The following TNRC6C variants were observed in gnomAD, a reference collection of about 807,000 sequenced individuals.
TNRC6C encodes the protein trinucleotide repeat containing adaptor 6C.
TNRC6C carries 20 observed loss-of-function variants against 153.7 expected under a neutral mutation model. That is an observed-to-expected ratio of 0.13 (90% CI 0.09 to 0.19). TNRC6C has a LOEUF of 0.19. Among genes scored for constraint, TNRC6C ranks in the 10% least tolerant of loss-of-function variants. TNRC6C has a pLI of 1.00. For synonymous variants in TNRC6C, 811 were observed against 841.4 expected, an observed-to-expected ratio of 0.96 and a Z score of 0.63; for missense variants, 1,987 against 2,172.0, an observed-to-expected ratio of 0.91 and a Z score of 1.69.
chr17:78,083,146 C>A, exon 11 of TNRC6C: 4 of 1,613,910 alleles, frequency 2.5e-6, no homozygotes, highest in Non-Finnish European at 3.4e-6. Context: ...GATGTTGAAC[C>A]AGCTCTATCA....
chr17:78,049,061 G>A lies in TNRC6C; in HGVS notation c.-2G>A, dbSNP rs767412830. 1 of 1,523,284 alleles carries A rather than the reference G, an allele frequency of 6.6e-7. No homozygotes were observed. The highest frequency in any genetic ancestry group is 8.8e-7 in the Non-Finnish European group (1 of 1,134,746). The allele number at this position is 1,523,284 out of a possible 1,614,324, so 94.4% of individuals were successfully genotyped here. A position where few individuals can be genotyped will look rare whatever the true frequency, so the allele number is the denominator to read the frequency against. On this transcript the variant is annotated 5_prime_UTR_variant, in exon 3 of 20. Transcript: ENST00000301624. This position sits in a 1 kb window ranked among gnomAD's most constrained non-coding sequence, Gnocchi z 4.1. ...TCCAACTGTGGCTCAGAGAACAGTA[G>A]CATGGCTACAGGGAGTGCCCAGGGC...
intron 2 of TNRC6C, among the ~76,000 whole-genome samples, chr17:78,039,309 G>GCCCCCCCCCCCCCCCCCCCCCCC (rs11306576): frequency 8.8e-6 from 1 of 113,464 alleles, no homozygotes; most frequent in African/African-American, 3.6e-5. Flanking sequence ...TTCAAATCTT[G>GCCCCCCCCCCCCCCCCCCCCCCC]CCCCCCCCCC....
chr17:78,102,600 GC>G, intron 18 of TNRC6C, 56 bp downstream of exon 21: 1 of 1,531,100 alleles, frequency 6.5e-7, no homozygotes, highest in Non-Finnish European at 8.9e-7. Context: ...TTCCCGCTTG[GC>G]CCCCAATGCA....
At chr17:77,983,910 C>T (rs758133958) in intron 1 of TNRC6C, among the ~76,000 whole-genome samples, 7 of 152,112 alleles carry the variant, frequency 4.6e-5, no homozygotes, top group Non-Finnish European at 7.4e-5. Flanking sequence ...CGGACTGCAG[C>T]TCCTCATTTT....
At position 78,049,041 on chromosome 17, in the gene TNRC6C, C is replaced by T. The variant is rs759376344; in HGVS notation, c.-22C>T. 2 of 1,495,080 alleles carry T rather than the reference C, an allele frequency of 1.3e-6. No homozygotes were observed. The highest frequency in any genetic ancestry group is 2.8e-5 in the African/African-American group (2 of 71,464). The allele number at this position is 1,495,080 out of a possible 1,614,324, so 92.6% of individuals were successfully genotyped here. A position where few individuals can be genotyped will look rare whatever the true frequency, so the allele number is the denominator to read the frequency against. On this transcript the variant is annotated 5_prime_UTR_variant, in exon 3 of 20. Coordinates refer to ENST00000301624, the Ensembl canonical transcript of TNRC6C. The surrounding 1 kb of genome is among the most constrained non-coding windows in gnomAD (Gnocchi z 4.1). ...CTACAGACACTGACTCTGCCTCCAA[C>T]TGTGGCTCAGAGAACAGTAGCATGG...
At chr17:78,070,598 A>G (rs1476618480) in intron 5 of TNRC6C, among the ~76,000 whole-genome samples, 1 of 151,992 alleles carries the variant, frequency 6.6e-6, no homozygotes, top group African/African-American at 2.4e-5. Flanking sequence ...TATGAGCTAT[A>G]AGTAACAAAT....
At chr17:77,968,552 G>C (rs1189721227) in intron 1 of TNRC6C, among the ~76,000 whole-genome samples, 1 of 150,848 alleles carries the variant, frequency 6.6e-6, no homozygotes. Flanking sequence ...ATGTTGGCCA[G>C]GATGGTCTCT....
chr17:78,059,384 A>C (rs1312170277), intron 3 of TNRC6C, among the ~76,000 whole-genome samples: 1 of 152,170 alleles, frequency 6.6e-6, no homozygotes, highest in Non-Finnish European at 1.5e-5. Flanking sequence ...GGGGTTTGGT[A>C]AGTGGGGCTG....
intron 1 of TNRC6C, among the ~76,000 whole-genome samples, chr17:78,006,561 C>CTT (rs1368496759): frequency 5.7e-4 from 64 of 112,102 alleles, no homozygotes; most frequent in South Asian, 1.2e-3. Context: ...TCTTCTTCTT[C>CTT]CTTCTTCCTT....
At chr17:78,091,469 A>G (rs770051680) in exon 14 of TNRC6C, 28 of 1,601,382 alleles carry the variant, frequency 1.7e-5, no homozygotes, top group Non-Finnish European at 2.1e-5. Flanking sequence ...GAATGTCAAC[A>G]GCATGGACAT....
exon 20 of TNRC6C, chr17:78,107,368 T>G (rs937654780): frequency 6.6e-6 from 1 of 152,214 alleles, no homozygotes; most frequent in Admixed American, 6.5e-5. Context: ...CCTCATAGAA[T>G]GTGACTGTTG....
intron 4 of TNRC6C, among the ~76,000 whole-genome samples, chr17:78,065,439 C>T (rs2072856025): frequency 6.6e-6 from 1 of 151,870 alleles, no homozygotes. Context: ...ATGTCCATAC[C>T]CTCCTTTTAT....
At chr17:78,102,383 G>C (rs2073612625) in intron 17 of TNRC6C, 91 bp from the exon 21 acceptor site, 3 of 1,226,648 alleles carry the variant, frequency 2.4e-6, no homozygotes, top group Non-Finnish European at 3.5e-6. Context: ...GGCCTGTGCT[G>C]TCCCACACTT....
chr17:78,101,145 C>T (rs940725663), intron 17 of TNRC6C, among the ~76,000 whole-genome samples: 1 of 152,210 alleles, frequency 6.6e-6, no homozygotes, highest in African/African-American at 2.4e-5. Context: ...CAAGTCACCT[C>T]TTGAAGGCTT....
chr17:77,989,955 C>T (rs2071224832), intron 1 of TNRC6C, among the ~76,000 whole-genome samples: 1 of 152,136 alleles, frequency 6.6e-6, no homozygotes, highest in South Asian at 2.1e-4. Flanking sequence ...TGGATCTTTC[C>T]TGTGAACTCT....
chr17:77,961,648 G>A (rs1207332002), intron 1 of TNRC6C, among the ~76,000 whole-genome samples: 1 of 152,122 alleles, frequency 6.6e-6, no homozygotes, highest in Admixed American at 6.5e-5. Flanking sequence ...GTTTCGAGTA[G>A]CATATGTCTT....
At chr17:78,088,990 TAG>T (rs2073348108) in intron 13 of TNRC6C, among the ~76,000 whole-genome samples, 1 of 135,232 alleles carries the variant, frequency 7.4e-6, no homozygotes, top group South Asian at 2.4e-4. Flanking sequence ...TTTTTTGAGA[TAG>T]AGTCTTGCTC....
chr17:77,994,108 G>A (rs1258020227), intron 1 of TNRC6C, among the ~76,000 whole-genome samples: 6 of 152,130 alleles, frequency 3.9e-5, no homozygotes, highest in African/African-American at 1.4e-4. Flanking sequence ...CAGGAGAATC[G>A]CTTGAACCCA....
chr17:77,962,649 G>A (rs746673186), intron 1 of TNRC6C, among the ~76,000 whole-genome samples: 34 of 152,210 alleles, frequency 2.2e-4, no homozygotes, highest in Non-Finnish European at 3.8e-4. Context: ...TATAAGCTGG[G>A]AAGAACCAGG....
Sources: gnomAD v4.1 joint callset for allele counts (sites outside exome capture counted in the v4.1 genomes callset) on GRCh38, gnomAD v4.1.1 for gene constraint, Gnocchi (gnomAD v3.1) non-coding constraint, MANE v1.5 for transcripts, NCBI Gene and HGNC (gene_info 2026-07-23, HGNC 2026-07-21) for gene names.